The following DAGLA variants were observed in gnomAD, a reference collection of about 807,000 sequenced individuals.
DAGLA encodes the protein diacylglycerol lipase-alpha.
DAGLA carries 22 observed loss-of-function variants against 102.6 expected under a neutral mutation model. The observed-to-expected ratio is 0.21, with a 90% CI of 0.15 to 0.31. The LOEUF (loss-of-function observed/expected upper bound fraction) is 0.31. DAGLA is among the 10% of genes least tolerant of loss of function. DAGLA has a pLI of 1.00. For missense variants in DAGLA, 927 were observed against 1,446.6 expected (o/e 0.64, Z 5.83); for synonymous variants, 578 against 628.9 (o/e 0.92, Z 1.21).
At chr11:61,708,782 G>T (rs2065171123) in intron 1 of DAGLA, among the ~76,000 whole-genome samples, 1 of 152,220 alleles carries the variant, frequency 6.6e-6, no homozygotes, top group South Asian at 2.1e-4. Flanking sequence ...GGAGAGGGCT[G>T]CGTTGTATAT....
chr11:61,698,113 T>C (rs2065080801), intron 1 of DAGLA, among the ~76,000 whole-genome samples: 1 of 152,234 alleles, frequency 6.6e-6, no homozygotes, highest in African/African-American at 2.4e-5. Context: ...TCAGAGCCTG[T>C]TGGGGGCTCC....
chr11:61,713,647 T>C (rs2135573476), intron 1 of DAGLA, among the ~76,000 whole-genome samples: 1 of 152,352 alleles, frequency 6.6e-6, no homozygotes, highest in South Asian at 2.1e-4. Flanking sequence ...GAGCAGGACC[T>C]GTCTGCCAGC....
chr11:61,718,496 C>T (rs1020860317), intron 1 of DAGLA, among the ~76,000 whole-genome samples: 7 of 152,064 alleles, frequency 4.6e-5, no homozygotes, highest in Non-Finnish European at 1.0e-4. Context: ...CCAGCCCCCC[C>T]TCCTGTCCTA....
rs1213079181 is a variant in DAGLA, at chr11:61,737,736, G to T, written c.1564G>T (p.Gly522Cys). 6.2e-7 allele frequency: 1 copy of T among 1,614,074 alleles called. No homozygotes were observed. The highest frequency in any genetic ancestry group is 1.7e-5 in the Admixed American group (1 of 60,016). ...SKEFVTAVVLGKDLVPRIGLS... is the reference protein window; with the variant it reads ...SKEFVTAVVLCKDLVPRIGLS... Reference sequence around the variant, plus strand: ...GGAGTTCGTGACTGCTGTGGTTCTGGGCAAAGACCTCGTCCCCAGGTGAGT... The same window carrying T: ...GGAGTTCGTGACTGCTGTGGTTCTGTGCAAAGACCTCGTCCCCAGGTGAGT... The change falls in exon 15 of 20, where the codon GGC becomes TGC. Residue 522 changes from glycine (G) to cysteine (C), a missense_variant. Physicochemically the swap from Gly to Cys is radical, Grantham distance 159. Coordinates refer to ENST00000257215, the MANE Select transcript of DAGLA (RefSeq NM_006133.3).
intron 7 of DAGLA, 119 bp from the exon 8 acceptor site, chr11:61,728,812 C>T (rs2065351720): frequency 3.8e-6 from 3 of 786,270 alleles, no homozygotes; most frequent in African/African-American, 3.5e-5. Context: ...AAGCTGCATG[C>T]TCGTTTGGGC....
intron 1 of DAGLA, among the ~76,000 whole-genome samples, chr11:61,695,694 T>C (rs1027264360): frequency 2.6e-5 from 4 of 152,222 alleles, no homozygotes; most frequent in African/African-American, 9.6e-5. Flanking sequence ...GCTCCTCCTC[T>C]CTCTCTTTCA....
At chr11:61,699,522 C>T (rs1306573879) in intron 1 of DAGLA, among the ~76,000 whole-genome samples, 2 of 152,216 alleles carry the variant, frequency 1.3e-5, no homozygotes, top group Non-Finnish European at 2.9e-5. Flanking sequence ...AGGCCATGTG[C>T]GGTGGGCATC....
At chr11:61,695,609 C>T (rs1038837963) in intron 1 of DAGLA, among the ~76,000 whole-genome samples, 16 of 152,176 alleles carry the variant, frequency 1.1e-4, no homozygotes, top group African/African-American at 3.4e-4. Context: ...TGGCCACAGG[C>T]GCTTCTCCAG....
At chr11:61,682,311 A>G (rs967786116) in intron 1 of DAGLA, among the ~76,000 whole-genome samples, 1 of 152,186 alleles carries the variant, frequency 6.6e-6, no homozygotes, top group Non-Finnish European at 1.5e-5. Context: ...TAAAGAGACC[A>G]GGGCTGGAGG....
intron 1 of DAGLA, among the ~76,000 whole-genome samples, chr11:61,685,293 G>A (rs916818201): frequency 2.6e-5 from 4 of 152,084 alleles, no homozygotes; most frequent in East Asian, 1.9e-4. Context: ...ATGAAAACAC[G>A]CACTGAAAAA....
chr11:61,693,097 G>A (rs2065037369), intron 1 of DAGLA, among the ~76,000 whole-genome samples: 1 of 150,002 alleles, frequency 6.7e-6, no homozygotes, highest in Non-Finnish European at 1.5e-5. Context: ...CTCAGTTCAA[G>A]CCATTCTCCT....
At chr11:61,704,189 G>A (rs1039341198) in intron 1 of DAGLA, among the ~76,000 whole-genome samples, 2 of 150,364 alleles carry the variant, frequency 1.3e-5, no homozygotes, top group South Asian at 2.1e-4. Context: ...GCACGATCTC[G>A]GCTCATGGCA....
Position 61,745,989 on chromosome 11 carries a change from T to C in DAGLA, c.*1500T>C, listed in dbSNP as rs2065534713. On this transcript the variant is annotated 3_prime_UTR_variant, in exon 20 of 20. Coordinates refer to ENST00000257215, the MANE Select transcript of DAGLA (RefSeq NM_006133.3). ...TGTACCGAGGCGCTGACTGCACGGC[T>C]GACCGCCTGCTCGTGCCTTCATTCT... 6.6e-6 allele frequency: 1 copy of C among 152,436 alleles called. No individual in the cohort carries two copies. Among genetic ancestry groups the C allele is most frequent in the African/African-American group, 2.4e-5 (1 of 41,464 alleles). The allele number at this position is 152,436 out of a possible 1,614,324, so 9.4% of individuals were successfully genotyped here.
chr11:61,708,945 G>T (rs1408228240), intron 1 of DAGLA, among the ~76,000 whole-genome samples: 2 of 152,190 alleles, frequency 1.3e-5, no homozygotes, highest in African/African-American at 4.8e-5. Flanking sequence ...CCTGCCTGGG[G>T]TGATGGGAGG....
At chr11:61,724,192 A>G (rs1002806364) in intron 5 of DAGLA, among the ~76,000 whole-genome samples, 2 of 152,126 alleles carry the variant, frequency 1.3e-5, no homozygotes, top group African/African-American at 2.4e-5. Flanking sequence ...TGTTTTAAAG[A>G]TGGGGGAAAG....
chr11:61,741,133 AC>A (rs746521949), intron 18 of DAGLA, 28 bp from the exon 19 acceptor site: 10 of 1,584,534 alleles, frequency 6.3e-6, no homozygotes, highest in Non-Finnish European at 1.7e-6. Flanking sequence ...TCCCTCCACC[AC>A]CCCCAGCCTC....
rs1197715463 is a variant in DAGLA, at chr11:61,742,792, T to TTCCC, written c.2172-728_2172-725dup. 1.1e-4 allele frequency among the ~76,000 whole-genome samples: 9 copies of TTCCC among 80,128 alleles called. No individual in the cohort carries two copies. In the East Asian group the frequency reaches 3.3e-3, roughly 29 times the overall value. 52.6% of individuals were successfully genotyped at this position (80,128 alleles called of 152,430 possible). On this transcript the variant is annotated intron_variant, in intron 19 of 19. Transcript: ENST00000257215. ...CCTCCCTCCCTCCCTCCCTTCCTCCTTCCCTCCCTCCCTCCTTCCCTCCCT... is the reference window on the plus strand; with the variant it reads ...CCTCCCTCCCTCCCTCCCTTCCTCCTTCCCTCCCTCCCTCCCTCCTTCCCTCCCT...
intron 1 of DAGLA, among the ~76,000 whole-genome samples, chr11:61,681,555 C>T (rs1421561774): frequency 6.6e-6 from 1 of 152,114 alleles, no homozygotes; most frequent in Admixed American, 6.5e-5. Context: ...GGGGTCCTGC[C>T]TTCTCCCTGG....
At chr11:61,736,246 C>G in intron 12 of DAGLA, 24 bp from the exon 13 acceptor site, 1 of 1,609,628 alleles carries the variant, frequency 6.2e-7, no homozygotes, top group Non-Finnish European at 8.5e-7. Context: ...CCACCAACAC[C>G]TGCTTCTGTT....
Sources: gnomAD v4.1 joint callset for allele counts (sites outside exome capture counted in the v4.1 genomes callset) on GRCh38, gnomAD v4.1.1 for gene constraint, MANE v1.5 for transcripts, NCBI Gene and HGNC (gene_info 2026-07-23, HGNC 2026-07-21) for gene names.